The following ZBTB25 variants were observed in gnomAD, a reference collection of about 807,000 sequenced individuals.
ZBTB25 encodes the protein zinc finger and BTB domain-containing protein 25.
A neutral mutation model predicts 34.2 loss-of-function variants in ZBTB25; 20 were observed. The ratio of observed to expected loss-of-function variants is 0.58; its 90% confidence interval spans 0.41 to 0.85. ZBTB25 has a LOEUF of 0.85. Among genes scored for constraint, ZBTB25 ranks in the 40% least tolerant of loss-of-function variants. The pLI is 0.00. For missense variants in ZBTB25, 437 were observed against 521.8 expected (o/e 0.84, Z 1.58); for synonymous variants, 175 against 186.4 (o/e 0.94, Z 0.50).
downstream of ZBTB25, among the ~76,000 whole-genome samples, chr14:64,477,555 C>G (rs10131416): frequency 0.27 from 40,695 of 151,978 alleles, 5,726 homozygotes; most frequent in East Asian, 0.41. Flanking sequence ...GAGATTCACT[C>G]CCCTCGAATC....
intron 2 of ZBTB25, among the ~76,000 whole-genome samples, chr14:64,455,700 A>G (rs1213533465): frequency 2.0e-5 from 3 of 152,244 alleles, no homozygotes; most frequent in Non-Finnish European, 4.4e-5. Context: ...TTCTTTCAGT[A>G]TAGTAAGAAA....
chr14:64,487,236 G>A lies in ZBTB25; in HGVS notation c.995C>T (p.Thr332Ile), dbSNP rs749840872. The A allele has an allele frequency of 6.2e-7, 1 of 1,613,954 alleles. No individual in the cohort carries two copies. The highest frequency in any genetic ancestry group is 1.7e-5 in the Admixed American group (1 of 60,004). The change falls in exon 3 of 3, where the codon ACA (threonine) becomes ATA (isoleucine). Residue 332 changes from threonine (T) to isoleucine (I), a missense_variant. Transcript: ENST00000608382. ...ISQVSLISKD[T>I]EPVELNCNFS... is the part of the protein sequence containing the mutation. ...ATTACAGTTTAATTCTACTGGCTCTGTGTCTTTGGAGATCAAAGATACTTG... is the reference window on the plus strand; with the variant it reads ...ATTACAGTTTAATTCTACTGGCTCTATGTCTTTGGAGATCAAAGATACTTG...
intron 2 of ZBTB25, chr14:64,458,456 A>G: frequency 1.4e-6 from 1 of 704,338 alleles, no homozygotes; most frequent in East Asian, 2.7e-5. Context: ...GGGGATAGTA[A>G]TGAGAGTTGG....
chr14:64,485,175 C>T lies in ZBTB25; in HGVS notation c.*1748G>A. The T allele has an allele frequency of 1.0e-6, 1 of 985,402 alleles. No homozygotes were observed. Among genetic ancestry groups the T allele is most frequent in the Non-Finnish European group, 1.2e-6 (1 of 829,936 alleles). 61.0% of individuals were successfully genotyped at this position (985,402 alleles called of 1,614,324 possible). A position where few individuals can be genotyped will look rare whatever the true frequency, so the allele number is the denominator to read the frequency against. The stretch of plus-strand genomic sequence containing the variant: ...TTTACCTAGAGAAAACCTTTGTGTC[C>T]TTAGAATTAGCTGGATTACTCTTTG... On this transcript the variant is annotated 3_prime_UTR_variant, in exon 3 of 3. Coordinates refer to ENST00000608382, the MANE Select transcript of ZBTB25 (RefSeq NM_006977.5).
chr14:64,474,101 G>A (rs905845354), downstream of ZBTB25: 4 of 167,092 alleles, frequency 2.4e-5, no homozygotes, highest in African/African-American at 7.2e-5. Flanking sequence ...AACAGAAACC[G>A]GGTTGGGTTA....
intron 2 of ZBTB25, among the ~76,000 whole-genome samples, chr14:64,452,209 C>A (rs946674635): frequency 2.0e-5 from 3 of 152,200 alleles, no homozygotes; most frequent in Non-Finnish European, 4.4e-5. Context: ...GCAGGAGAAT[C>A]TCTTGAACCC....
Position 64,503,701 on chromosome 14 carries a change from G to T in ZBTB25, c.-48C>A. ...GCGGCAGGCCGACTCCTCCGTGCAGGAGGGGCGGGCTCCCAAGCCGCGCAC... is the reference window on the plus strand; with the variant it reads ...GCGGCAGGCCGACTCCTCCGTGCAGTAGGGGCGGGCTCCCAAGCCGCGCAC... On this transcript the variant is annotated 5_prime_UTR_variant, in exon 1 of 3. Coordinates refer to ENST00000608382, the MANE Select transcript of ZBTB25 (RefSeq NM_006977.5). 2.6e-6 allele frequency: 2 copies of T among 772,646 alleles called. No homozygotes were observed. Among genetic ancestry groups the T allele is most frequent in the Non-Finnish European group, 3.1e-6 (2 of 635,588 alleles). The allele number at this position is 772,646 out of a possible 1,614,324, so 47.9% of individuals were successfully genotyped here. A position where few individuals can be genotyped will look rare whatever the true frequency, so the allele number is the denominator to read the frequency against.
In ZBTB25 at chr14:64,480,683, C is replaced by T. The variant is rs551689247; in HGVS notation, c.*6240G>A. 1 of 153,682 alleles carries T rather than the reference C, an allele frequency of 6.5e-6. No individual in the cohort carries two copies. The highest frequency in any genetic ancestry group is 2.4e-5 in the African/African-American group (1 of 41,416). 9.5% of individuals were successfully genotyped at this position (153,682 alleles called of 1,614,324 possible). A position where few individuals can be genotyped will look rare whatever the true frequency, so the allele number is the denominator to read the frequency against. ...AAATTCATTGTTTCTTGCTCTGTCGCCAGGCTGGAGTGCAGTGGCGCAATC... is the reference window on the plus strand; with the variant it reads ...AAATTCATTGTTTCTTGCTCTGTCGTCAGGCTGGAGTGCAGTGGCGCAATC... On this transcript the variant is annotated 3_prime_UTR_variant, in exon 3 of 3. Transcript: ENST00000608382.
chr14:64,489,179 C>G (rs756278402), intron 2 of ZBTB25, among the ~76,000 whole-genome samples: 1 of 151,930 alleles, frequency 6.6e-6, no homozygotes, highest in Non-Finnish European at 1.5e-5. Context: ...ACCTGGGAGG[C>G]GGAGGTTGCA....
In ZBTB25 at chr14:64,469,258, A is replaced by G. The variant is rs760183655; in HGVS notation, c.174-19620T>C. The G allele has an allele frequency of 1.9e-6, 3 of 1,613,804 alleles. No homozygotes were observed. In the Admixed American group the frequency reaches 5.0e-5, roughly 27 times the overall value. ...CCAGTAACAGTACCCTAGAAAGTGCACCAAATGGAAAAGACTATGAAAGTA... is the reference window on the plus strand; with the variant it reads ...CCAGTAACAGTACCCTAGAAAGTGCGCCAAATGGAAAAGACTATGAAAGTA... On this transcript the variant is annotated intron_variant, in intron 2 of 2. Coordinates refer to the ZBTB25 transcript ENST00000555220.
Position 64,486,995 on chromosome 14 carries a change from T to G in ZBTB25, c.1236A>C (p.Glu412Asp). 1.9e-6 allele frequency: 3 copies of G among 1,614,216 alleles called. No homozygotes were observed. Among genetic ancestry groups the G allele is most frequent in the Non-Finnish European group, 2.5e-6 (3 of 1,180,040 alleles). The change falls in exon 3 of 3, where the codon GAA (glutamate) becomes GAC (aspartate). Residue 412 changes from glutamate (E) to aspartate (D), a missense_variant. Physicochemically the swap from Glu to Asp is conservative, Grantham distance 45. Coordinates refer to ENST00000608382, the MANE Select transcript of ZBTB25 (RefSeq NM_006977.5). ...CTAAGGCACAAGGCAAGTCTAAGTG[T>G]TCTTGTGACAAGCGAGAACTTTTCA... The part of the protein sequence containing the change: ...VSLKSSRLSQ[E>D]HLDLPCALES...
chr14:64,453,463 C>T (rs183194293), intron 2 of ZBTB25, among the ~76,000 whole-genome samples: 4 of 152,112 alleles, frequency 2.6e-5, no homozygotes, highest in Middle Eastern at 6.8e-3. Flanking sequence ...CCCAGCTACT[C>T]GGGAGGCTGA....
Position 64,486,671 on chromosome 14 carries a change from T to A in ZBTB25, c.*252A>T, listed in dbSNP as rs2078869925. On this transcript the variant is annotated 3_prime_UTR_variant, in exon 3 of 3. Coordinates refer to ENST00000608382, the MANE Select transcript of ZBTB25 (RefSeq NM_006977.5). ...TAACTATTTAAGGTTTCCATATTTCTACATTGATTTCTGATTTCTAAATTG... is the reference window on the plus strand; with the variant it reads ...TAACTATTTAAGGTTTCCATATTTCAACATTGATTTCTGATTTCTAAATTG... 8.9e-7 allele frequency: 1 copy of A among 1,120,088 alleles called. No individual in the cohort carries two copies. Among genetic ancestry groups the A allele is most frequent in the African/African-American group, 1.6e-5 (1 of 62,154 alleles). The allele number at this position is 1,120,088 out of a possible 1,614,324, so 69.4% of individuals were successfully genotyped here. A position where few individuals can be genotyped will look rare whatever the true frequency, so the allele number is the denominator to read the frequency against.
chr14:64,471,662 A>T (rs1224117060), intron 2 of ZBTB25: 1 of 167,054 alleles, frequency 6.0e-6, no homozygotes, highest in Non-Finnish European at 1.5e-5. Context: ...CAAAGTGTGT[A>T]TTCCCCCATT....
intron 1 of ZBTB25, among the ~76,000 whole-genome samples, chr14:64,491,181 C>T (rs1596628926): frequency 6.6e-6 from 1 of 152,114 alleles, no homozygotes; most frequent in Non-Finnish European, 1.5e-5. Flanking sequence ...TGAGAAAGAA[C>T]TTAAGCTGGC....
downstream of ZBTB25, chr14:64,473,172 C>G (rs533213709): frequency 6.0e-6 from 1 of 166,954 alleles, no homozygotes; most frequent in Non-Finnish European, 1.5e-5. Context: ...TTTTTCAAAG[C>G]ACTTTATAGG....
Position 64,480,824 on chromosome 14 carries a change from T to C in ZBTB25, c.*6099A>G, listed in dbSNP as rs2078780505. On this transcript the variant is annotated 3_prime_UTR_variant, in exon 3 of 3. Coordinates refer to ENST00000608382, the MANE Select transcript of ZBTB25 (RefSeq NM_006977.5). ...ACCCAGCTAATTTTTTGTGTTTTAC[T>C]AGAGACAGGGTTTCACCATGTTGTC... is the stretch of plus-strand genomic sequence containing the variant. 6.6e-6 allele frequency: 1 copy of C among 152,014 alleles called. No homozygotes were observed. The highest frequency in any genetic ancestry group is 6.6e-5 in the Admixed American group (1 of 15,246). The allele number at this position is 152,014 out of a possible 1,614,324, so 9.4% of individuals were successfully genotyped here.
chr14:64,456,701 C>T (rs751087805), intron 2 of ZBTB25, among the ~76,000 whole-genome samples: 3 of 152,206 alleles, frequency 2.0e-5, no homozygotes, highest in Non-Finnish European at 4.4e-5. Context: ...TCACACCTAG[C>T]ACCTCCTTAC....
intron 2 of ZBTB25, chr14:64,465,497 C>T (rs979568705): frequency 1.3e-5 from 2 of 151,966 alleles, no homozygotes; most frequent in Admixed American, 6.6e-5. Flanking sequence ...GCGGCGGGCT[C>T]TGCAGAGGGC....
Sources: allele counts gnomAD v4.1 joint callset (sites outside exome capture counted in the v4.1 genomes callset), GRCh38; gene constraint gnomAD v4.1.1; transcripts MANE v1.5; gene names NCBI Gene and HGNC (gene_info 2026-07-23, HGNC 2026-07-21).